Variants in CASZ1 observed in about 807,000 individuals in gnomAD.
The protein encoded by CASZ1 is zinc finger protein castor homolog 1.
In CASZ1, 28 loss-of-function variants were observed where a neutral mutation model predicts 135.2. That is an observed-to-expected ratio of 0.21 (90% CI 0.15 to 0.28). CASZ1 has a LOEUF of 0.28. Ranked by LOEUF, CASZ1 falls within the 10% of genes least tolerant of loss-of-function variation. The pLI, the probability that CASZ1 is intolerant of heterozygous loss-of-function variation, is 1.00. For missense variants in CASZ1, 2,161 were observed against 2,453.3 expected (o/e 0.88, Z 2.52); for synonymous variants, 1,068 against 1,073.4 (o/e 0.99, Z 0.10).
intron 5 of CASZ1, among the ~76,000 whole-genome samples, chr1:10,663,393 C>A (rs2100280962): frequency 6.6e-6 from 1 of 151,760 alleles, no homozygotes; most frequent in East Asian, 1.9e-4. Flanking sequence ...CACAGAGGGA[C>A]TCAAGAAACC....
intron 4 of CASZ1, among the ~76,000 whole-genome samples, chr1:10,686,379 A>G (rs1638587854): frequency 6.6e-6 from 1 of 152,252 alleles, no homozygotes; most frequent in Non-Finnish European, 1.5e-5. Flanking sequence ...GCCTGGAAAC[A>G]GGTCACACAC....
chr1:10,668,876 C>A (rs946498138), intron 4 of CASZ1, among the ~76,000 whole-genome samples: 1 of 152,240 alleles, frequency 6.6e-6, no homozygotes, highest in Non-Finnish European at 1.5e-5. Context: ...GATGTGGTGC[C>A]ACACGTGAGC....
rs1021832162 is a variant in CASZ1 at position 10,682,775 on chromosome 1, T to A, written c.16+11099A>T. 3.9e-5 allele frequency among the ~76,000 whole-genome samples: 6 copies of A among 152,232 alleles called. No homozygotes were observed. In the East Asian group the frequency reaches 1.2e-3, roughly 29 times the overall value. On this transcript the variant is annotated intron_variant, in intron 4 of 20. Transcript: ENST00000377022. ...TGCCTAGGGGCTCTTCAGCTCCATC[T>A]GAAGGCCTCCCGAGGAGCCCCAAAG...
At position 10,639,151 on chromosome 1, in the gene CASZ1, CT is replaced by C; in HGVS notation, c.5070del (p.Asp1691ThrfsTer152). On this transcript the variant is annotated frameshift_variant, in exon 21 of 21. Coordinates refer to ENST00000377022, the MANE Select transcript of CASZ1 (RefSeq NM_001079843.3). LOFTEE classifies it high-confidence loss of function. This position sits in a 1 kb window ranked among gnomAD's most constrained non-coding sequence, Gnocchi z 4.0. ...TCGTCGTCGTCCTCGTCCTCGTCGT[CT>C]TCGGCCTCCTCCTCCGGCAGCTCCA... ...EELELPEEEA[E>X]DDEDEDDDED... is the part of the protein sequence containing the mutation. The C allele has an allele frequency of 5.5e-6, 6 of 1,087,826 alleles. No individual in the cohort carries two copies. Among genetic ancestry groups the C allele is most frequent in the South Asian group, 2.9e-5 (1 of 34,630 alleles). The allele number at this position is 1,087,826 out of a possible 1,614,324, so 67.4% of individuals were successfully genotyped here.
intron 1 of CASZ1, among the ~76,000 whole-genome samples, chr1:10,779,360 C>T (rs533741182): frequency 1.9e-4 from 28 of 149,416 alleles, no homozygotes; most frequent in African/African-American, 6.9e-4. Flanking sequence ...CAGCACAACA[C>T]GAAGGCTGAG....
intron 2 of CASZ1, among the ~76,000 whole-genome samples, chr1:10,742,660 G>A (rs946181224): frequency 4.6e-5 from 7 of 152,176 alleles, no homozygotes; most frequent in Non-Finnish European, 1.0e-4. Context: ...TTGAAAGGAA[G>A]GAGAGGAAGG....
At chr1:10,641,251 G>A (rs557914969) in intron 20 of CASZ1, among the ~76,000 whole-genome samples, 2 of 152,380 alleles carry the variant, frequency 1.3e-5, no homozygotes, top group South Asian at 4.1e-4. Context: ...GGTGGGTGAG[G>A]AGCGGCTTTG....
chr1:10,796,153 C>A (rs1381034111), intron 1 of CASZ1, among the ~76,000 whole-genome samples: 1 of 151,834 alleles, frequency 6.6e-6, no homozygotes, highest in Admixed American at 6.5e-5. Flanking sequence ...GGCGCCCCCA[C>A]CCTATTTGCA....
At chr1:10,740,536 G>C (rs774592606) in intron 2 of CASZ1, among the ~76,000 whole-genome samples, 3 of 152,218 alleles carry the variant, frequency 2.0e-5, no homozygotes, top group Non-Finnish European at 4.4e-5. Flanking sequence ...CATGGTGGAG[G>C]CCCTGAAGGC....
Position 10,646,459 on chromosome 1 carries a change from G to C in CASZ1, c.3498-133C>G. 1.3e-6 allele frequency: 1 copy of C among 796,686 alleles called. No homozygotes were observed. The highest frequency in any genetic ancestry group is 2.7e-5 in the East Asian group (1 of 37,554). 49.4% of individuals were successfully genotyped at this position (796,686 alleles called of 1,614,324 possible). On this transcript the variant is annotated intron_variant, in intron 16 of 20. Transcript: ENST00000377022. This position sits in a 1 kb window ranked among gnomAD's most constrained non-coding sequence, Gnocchi z 6.4. Reference sequence around the variant, plus strand: ...ACCAAGAGGGATGGCCTGGGCTGCTGTCCTGCTCAACAGGATGACTCAGCT... The same window carrying C: ...ACCAAGAGGGATGGCCTGGGCTGCTCTCCTGCTCAACAGGATGACTCAGCT...
rs1330315752 is a variant in CASZ1, at chr1:10,774,677, A to T, written c.-233-13820T>A. On this transcript the variant is annotated intron_variant, in intron 1 of 20. Coordinates refer to ENST00000377022, the MANE Select transcript of CASZ1 (RefSeq NM_001079843.3). This position sits in a 1 kb window ranked among gnomAD's most constrained non-coding sequence, Gnocchi z 4.4. Reference sequence around the variant, plus strand: ...CTGGCCTGACTCTTGGGTATCTCCCACCACCTGAGTCAACGCGGACCCCTC... The same window carrying T: ...CTGGCCTGACTCTTGGGTATCTCCCTCCACCTGAGTCAACGCGGACCCCTC... Among the ~76,000 whole-genome samples the T allele has an allele frequency of 1.3e-5, 2 of 152,022 alleles. No homozygotes were observed. Among genetic ancestry groups the T allele is most frequent in the African/African-American group, 4.8e-5 (2 of 41,366 alleles).
chr1:10,669,464 G>A (rs1379755090), intron 4 of CASZ1, among the ~76,000 whole-genome samples: 1 of 152,232 alleles, frequency 6.6e-6, no homozygotes, highest in Non-Finnish European at 1.5e-5. Context: ...CAAATCAGCC[G>A]GCTTCAGAAA....
intron 2 of CASZ1, among the ~76,000 whole-genome samples, chr1:10,740,821 G>A (rs1044906528): frequency 7.9e-5 from 12 of 151,622 alleles, no homozygotes; most frequent in African/African-American, 1.9e-4. Flanking sequence ...AGCTGGTTGC[G>A]GTGGCGCACA....
In CASZ1 at chr1:10,640,080, C is replaced by G. The variant is rs778313706; in HGVS notation, c.4163-21G>C. 3.1e-6 allele frequency: 5 copies of G among 1,594,042 alleles called. No homozygotes were observed. In the Admixed American group the frequency reaches 8.4e-5, roughly 27 times the overall value. Reference sequence around the variant, plus strand: ...GTTCCCTGGGGAGGGGCAGGGAGGTCAGTGCAGAAGAGGGACCCACGTGGG... The same window carrying G: ...GTTCCCTGGGGAGGGGCAGGGAGGTGAGTGCAGAAGAGGGACCCACGTGGG... On this transcript the variant is annotated intron_variant, in intron 20 of 20. Coordinates refer to ENST00000377022, the MANE Select transcript of CASZ1 (RefSeq NM_001079843.3).
intron 4 of CASZ1, among the ~76,000 whole-genome samples, chr1:10,674,179 C>T (rs1374413834): frequency 1.3e-5 from 2 of 152,214 alleles, no homozygotes; most frequent in Non-Finnish European, 2.9e-5. Flanking sequence ...CCTCTTCCTA[C>T]AGAGTCAGGG....
intron 18 of CASZ1, among the ~76,000 whole-genome samples, chr1:10,643,592 A>G (rs1456997805): frequency 1.3e-5 from 2 of 152,208 alleles, no homozygotes; most frequent in African/African-American, 2.4e-5. Context: ...GGAGGTGCAC[A>G]GTTCCAAGGC....
rs184530993 is a variant in CASZ1, at chr1:10,659,848, T to A, written c.1194A>T (p.Ala398=). The change falls in exon 6 of 21, where the codon GCA becomes GCT. Residue 398 remains alanine, a synonymous_variant. Coordinates refer to ENST00000377022, the MANE Select transcript of CASZ1 (RefSeq NM_001079843.3). ...KVPPTPSLAP[A]PLASVPSAPS... ...GGGCACTGGGCACGCTGGCGAGGGGTGCGGGAGCCAGGCTGGGGGTGGGCG... is the reference window on the plus strand; with the variant it reads ...GGGCACTGGGCACGCTGGCGAGGGGAGCGGGAGCCAGGCTGGGGGTGGGCG... 853 of 1,610,878 alleles carry A rather than the reference T, an allele frequency of 5.3e-4. 11 individuals are homozygous for A. In the Admixed American group the frequency reaches 0.014, roughly 26 times the overall value.
intron 4 of CASZ1, 76 bp from the exon 5 acceptor site, chr1:10,665,647 C>G: frequency 7.0e-7 from 1 of 1,431,366 alleles, no homozygotes. Context: ...AACAGCCCTG[C>G]ATCCCCCAAG....
Position 10,735,141 on chromosome 1 carries a change from G to C in CASZ1, c.-77+25560C>G, listed in dbSNP as rs1639772959. On this transcript the variant is annotated intron_variant, in intron 2 of 20. Coordinates refer to ENST00000377022, the MANE Select transcript of CASZ1 (RefSeq NM_001079843.3). This position sits in a 1 kb window ranked among gnomAD's most constrained non-coding sequence, Gnocchi z 5.1. Reference sequence around the variant, plus strand: ...TTGCATCAGTACATTGCACACAGGAGCCAAAGTAACTGAATTTTGATGAAA... The same window carrying C: ...TTGCATCAGTACATTGCACACAGGACCCAAAGTAACTGAATTTTGATGAAA... 6.6e-6 allele frequency among the ~76,000 whole-genome samples: 1 copy of C among 152,206 alleles called. No individual in the cohort carries two copies. Among genetic ancestry groups the C allele is most frequent in the Admixed American group, 6.5e-5 (1 of 15,284 alleles).
Sources: allele counts gnomAD v4.1 joint callset (sites outside exome capture counted in the v4.1 genomes callset), GRCh38; gene constraint gnomAD v4.1.1; non-coding constraint Gnocchi (gnomAD v3.1); transcripts MANE v1.5; gene names NCBI Gene and HGNC (gene_info 2026-07-23, HGNC 2026-07-21).